The following RNF150 variants were observed in gnomAD, a reference collection of about 807,000 sequenced individuals.
The protein encoded by RNF150 is ring finger protein 150.
RNF150 carries 24 observed loss-of-function variants against 39.3 expected under a neutral mutation model. That is an observed-to-expected ratio of 0.61 (90% CI 0.44 to 0.86). RNF150 has a LOEUF of 0.86. RNF150 is among the 40% of genes least tolerant of loss of function. RNF150 has a pLI of 0.00. For synonymous variants in RNF150, 255 were observed against 227.3 expected (o/e 1.12, Z -1.10); for missense variants, 502 against 587.8 (o/e 0.85, Z 1.51).
chr4:141,067,997 G>A (rs541969440), intron 1 of RNF150, among the ~76,000 whole-genome samples: 1 of 151,520 alleles, frequency 6.6e-6, no homozygotes, highest in African/African-American at 2.4e-5. Flanking sequence ...CCAGGCTGGA[G>A]TGCAGTGGCA....
At chr4:140,881,146 G>A (rs2111204091) in intron 6 of RNF150, among the ~76,000 whole-genome samples, 1 of 149,636 alleles carries the variant, frequency 6.7e-6, no homozygotes, top group African/African-American at 2.4e-5. Context: ...GTCATTTATT[G>A]ATATAAACTT....
At chr4:141,047,785 C>G (rs1736632059) in intron 1 of RNF150, among the ~76,000 whole-genome samples, 1 of 152,060 alleles carries the variant, frequency 6.6e-6, no homozygotes, top group East Asian at 1.9e-4. Context: ...ATCCCTCTTT[C>G]TTTTAAAATT....
intron 1 of RNF150, among the ~76,000 whole-genome samples, chr4:140,974,120 T>C (rs1181078470): frequency 6.6e-6 from 1 of 152,154 alleles, no homozygotes; most frequent in Non-Finnish European, 1.5e-5. Context: ...TATAGAGTCA[T>C]ATAACCACTA....
chr4:140,951,969 T>G (rs1732558070), intron 2 of RNF150, among the ~76,000 whole-genome samples: 1 of 152,178 alleles, frequency 6.6e-6, no homozygotes, highest in Non-Finnish European at 1.5e-5. Context: ...TAGAAAAATA[T>G]ATGTTCATAC....
At chr4:140,923,602 C>T (rs917272918) in intron 5 of RNF150, among the ~76,000 whole-genome samples, 7 of 152,062 alleles carry the variant, frequency 4.6e-5, no homozygotes, top group African/African-American at 1.7e-4. Context: ...ACCATTTGAC[C>T]CAGCCATCCC....
At chr4:141,144,784 A>G (rs751549905) in intron 1 of RNF150, among the ~76,000 whole-genome samples, 4 of 152,194 alleles carry the variant, frequency 2.6e-5, no homozygotes, top group Non-Finnish European at 5.9e-5. Context: ...TTATGAAAGC[A>G]GGGACTTTAG....
At chr4:140,951,846 T>A (rs1173928611) in intron 2 of RNF150, among the ~76,000 whole-genome samples, 1 of 152,186 alleles carries the variant, frequency 6.6e-6, no homozygotes, top group East Asian at 1.9e-4. Flanking sequence ...TTTTTCTTTT[T>A]CAGTCAAGAA....
chr4:140,915,897 C>T (rs976106967), intron 5 of RNF150, among the ~76,000 whole-genome samples: 1 of 152,190 alleles, frequency 6.6e-6, no homozygotes, highest in African/African-American at 2.4e-5. Context: ...CCAATATCTG[C>T]TGTTCTGCAG....
At chr4:140,951,162 A>G (rs1041562246) in intron 2 of RNF150, among the ~76,000 whole-genome samples, 8 of 152,144 alleles carry the variant, frequency 5.3e-5, no homozygotes, top group African/African-American at 1.9e-4. Flanking sequence ...AGACCCTGAT[A>G]GCACTTTGTA....
At chr4:141,014,390 T>C (rs1010168183) in intron 1 of RNF150, among the ~76,000 whole-genome samples, 22 of 152,322 alleles carry the variant, frequency 1.4e-4, no homozygotes, top group African/African-American at 4.8e-4. Context: ...ATAGTGGTTA[T>C]AGTTTTAGTT....
At chr4:141,133,783 A>G (rs145196183), upstream of RNF150, among the ~76,000 whole-genome samples, 21 of 152,194 alleles carry the variant, frequency 1.4e-4, no homozygotes, top group African/African-American at 4.1e-4. Context: ...TACCTGTCCT[A>G]AGGCCAAAGT....
chr4:141,108,547 T>TA (rs1171511536), intron 1 of RNF150, among the ~76,000 whole-genome samples: 2 of 151,992 alleles, frequency 1.3e-5, no homozygotes, highest in African/African-American at 4.8e-5. Context: ...AGATGATTTT[T>TA]AAAAAAAACA....
chr4:140,988,590 T>A (rs1012184469), intron 1 of RNF150, among the ~76,000 whole-genome samples: 5 of 152,250 alleles, frequency 3.3e-5, no homozygotes, highest in South Asian at 2.1e-4. Flanking sequence ...CTGCACTCAT[T>A]AACTTGTCAT....
At chr4:141,145,472 A>G (rs946987004) in intron 1 of RNF150, among the ~76,000 whole-genome samples, 1 of 152,236 alleles carries the variant, frequency 6.6e-6, no homozygotes, top group Non-Finnish European at 1.5e-5. Context: ...CTATAACTGA[A>G]TATACATAGA....
intron 1 of RNF150, among the ~76,000 whole-genome samples, chr4:141,035,128 C>A (rs908266920): frequency 6.6e-6 from 1 of 152,216 alleles, no homozygotes. Context: ...AAAGCCATAG[C>A]TCCAACAAGT....
chr4:141,180,956 G>C (rs1727899913), intron 1 of RNF150, among the ~76,000 whole-genome samples: 1 of 152,082 alleles, frequency 6.6e-6, no homozygotes, highest in South Asian at 2.1e-4. Flanking sequence ...GGATATTCAA[G>C]GGAATCATTA....
At chr4:141,079,610 T>C (rs901246499) in intron 1 of RNF150, among the ~76,000 whole-genome samples, 1 of 152,222 alleles carries the variant, frequency 6.6e-6, no homozygotes, top group African/African-American at 2.4e-5. Context: ...TGTTGCTTTA[T>C]TAAGCCAACA....
intron 1 of RNF150, among the ~76,000 whole-genome samples, chr4:141,110,427 T>C (rs1416578078): frequency 6.6e-6 from 1 of 151,990 alleles, no homozygotes; most frequent in Non-Finnish European, 1.5e-5. Flanking sequence ...GAGAGAGTTT[T>C]TTGTTTGTTT....
chr4:141,143,787 A>G lies in RNF150; in HGVS notation c.-6+69007T>C, dbSNP rs141884463. Among the ~76,000 whole-genome samples, 271 of 151,898 alleles carry G rather than the reference A, an allele frequency of 1.8e-3. 2 individuals carry two copies. In the East Asian group the frequency reaches 0.024, roughly 13 times the overall value. ...TCCACTCTCTTCAGGGCTTTTGCAC[A>G]TGGCATTCCTTGTGTCTGGAATGCT... is the stretch of plus-strand genomic sequence containing the variant. On this transcript the variant is annotated intron_variant, in intron 1 of 7. Transcript: ENST00000420921.
Sources: gnomAD v4.1 joint callset for allele counts (sites outside exome capture counted in the v4.1 genomes callset) on GRCh38, gnomAD v4.1.1 for gene constraint, MANE v1.5 for transcripts, NCBI Gene and HGNC (gene_info 2026-07-23, HGNC 2026-07-21) for gene names.